Variants in ZNF75D observed in about 807,000 individuals in gnomAD.
ZNF75D encodes the protein zinc finger protein 75D.
A neutral mutation model predicts 33.3 loss-of-function variants in ZNF75D; 33 were observed. The observed-to-expected ratio is 0.99, with a 90% CI of 0.75 to 1.32. ZNF75D has a LOEUF of 1.32. Ranked by LOEUF, ZNF75D falls within the 40% of genes most tolerant of loss-of-function variation. The pLI, the probability that ZNF75D is intolerant of heterozygous loss-of-function variation, is 0.00. For synonymous variants in ZNF75D, 113 were observed against 130.6 expected (o/e 0.87, Z 0.92); for missense variants, 338 against 367.5 (o/e 0.92, Z 0.66).
chrX:135,261,843 T>C (rs1450161943), intron 1 of ZNF75D, among the ~76,000 whole-genome samples: 4 of 111,773 alleles, frequency 3.6e-5, no homozygotes, highest in African/African-American at 1.3e-4. Context: ...GTCACTATGA[T>C]GTTCGCTGGT....
At chrX:135,257,174 T>C (rs2083806924) in intron 1 of ZNF75D, among the ~76,000 whole-genome samples, 1 of 112,603 alleles carries the variant, frequency 8.9e-6, no homozygotes, top group Non-Finnish European at 1.9e-5. Context: ...TATTAGACCC[T>C]AAGTACCAGC....
rs782707041 is a variant in ZNF75D at position 135,287,271 on chromosome X, G to A, written c.1399C>T (p.His467Tyr). The change falls in exon 7 of 7, where the codon CAC becomes TAC. Residue 467 changes from histidine to tyrosine, a missense_variant. His to Tyr is a moderately conservative substitution (Grantham distance 83). Transcript: ENST00000370766. ...RFIQNSHLIK[H>Y]QRTHTGEQPY... ...TGCTCACCTGTGTGAGTTCTCTGGT[G>A]TTTAATAAGGTGGGAGTTCTGAATG... 1.2e-5 allele frequency: 14 copies of A among 1,211,775 alleles called. No homozygotes were observed. The South Asian group carries it at 2.3e-4, about 20-fold the overall frequency.
At chrX:135,324,068 C>T (rs974981460) in intron 1 of ZNF75D, among the ~76,000 whole-genome samples, 2 of 109,889 alleles carry the variant, frequency 1.8e-5, no homozygotes, top group Non-Finnish European at 3.8e-5. Flanking sequence ...ACTCACATAC[C>T]GAGGCTTTCT....
intron 1 of ZNF75D, among the ~76,000 whole-genome samples, chrX:135,328,011 A>G (rs1342829166): frequency 1.8e-5 from 2 of 112,174 alleles, no homozygotes; most frequent in African/African-American, 6.5e-5. Flanking sequence ...GAATAACTAT[A>G]TTGTTACCAT....
chrX:135,306,284 T>TACACACACAC (rs1355135835), intron 1 of ZNF75D, among the ~76,000 whole-genome samples: 4 of 53,812 alleles, frequency 7.4e-5, no homozygotes, highest in Admixed American at 2.4e-4. Context: ...ACAACAGAGA[T>TACACACACAC]ACATACACAC....
At chrX:135,303,022 A>T (rs941826464) in intron 1 of ZNF75D, among the ~76,000 whole-genome samples, 11 of 110,758 alleles carry the variant, frequency 9.9e-5, no homozygotes, top group African/African-American at 2.6e-4. Flanking sequence ...CATCATAAAC[A>T]AGGTAAAGAA....
At chrX:135,312,489 T>G (rs1188138706) in intron 1 of ZNF75D, among the ~76,000 whole-genome samples, 1 of 112,256 alleles carries the variant, frequency 8.9e-6, no homozygotes, top group East Asian at 2.8e-4. Flanking sequence ...CATACAGATT[T>G]CTTTTCCTTT....
At chrX:135,257,266 C>G (rs1022577328) in intron 1 of ZNF75D, among the ~76,000 whole-genome samples, 12 of 112,311 alleles carry the variant, frequency 1.1e-4, no homozygotes, top group African/African-American at 3.6e-4. Flanking sequence ...TGGACCCGCC[C>G]TGGGCCATAC....
At chrX:135,298,148 A>G (rs1445774333) in intron 1 of ZNF75D, 4 of 111,730 alleles carry the variant, frequency 3.6e-5, no homozygotes, top group Non-Finnish European at 7.5e-5. Context: ...ACATTCAGCC[A>G]ATAGCAGCTT....
At chrX:135,318,810 G>A (rs868962999) in intron 1 of ZNF75D, among the ~76,000 whole-genome samples, 13 of 111,141 alleles carry the variant, frequency 1.2e-4, no homozygotes, top group Non-Finnish European at 1.5e-4. Flanking sequence ...TAGTACAGGA[G>A]GTCAAAGATA....
chrX:135,300,815 T>A (rs2084208420), intron 1 of ZNF75D, among the ~76,000 whole-genome samples: 1 of 110,186 alleles, frequency 9.1e-6, no homozygotes, highest in Non-Finnish European at 1.9e-5. Flanking sequence ...AAGTAGGGGA[T>A]GACAACCTGC....
chrX:135,310,890 G>A (rs1556427794), intron 1 of ZNF75D, among the ~76,000 whole-genome samples: 1 of 111,306 alleles, frequency 9.0e-6, no homozygotes, highest in African/African-American at 3.3e-5. Flanking sequence ...GCAACTGACT[G>A]TAGGTTGGAA....
At chrX:135,323,433 T>C (rs782696546) in intron 1 of ZNF75D, among the ~76,000 whole-genome samples, 4 of 112,469 alleles carry the variant, frequency 3.6e-5, no homozygotes, top group Non-Finnish European at 7.5e-5. Flanking sequence ...TGTAGGGTCC[T>C]AGTGAGGCTT....
intron 1 of ZNF75D, among the ~76,000 whole-genome samples, chrX:135,306,288 T>TACACACATAC (rs2084284438): frequency 1.2e-5 from 1 of 83,246 alleles, no homozygotes; most frequent in Non-Finnish European, 2.3e-5. Flanking sequence ...CAGAGATACA[T>TACACACATAC]ACACACACAC....
intron 1 of ZNF75D, among the ~76,000 whole-genome samples, chrX:135,257,392 G>A (rs2083808825): frequency 8.8e-6 from 1 of 113,001 alleles, no homozygotes; most frequent in Non-Finnish European, 1.9e-5. Flanking sequence ...AACTCCCCAT[G>A]GACCAGTGGT....
rs146493137 is a variant in ZNF75D at position 135,269,179 on chromosome X, C to T, written n.828-13402G>A. On this transcript the variant is annotated intron_variant and non_coding_transcript_variant, in intron 1 of 3. Coordinates refer to the ZNF75D transcript ENST00000494295. ...AAAACATTGGGGGAAATCTCCAGGA[C>T]GTTGGTCTGGGCAAAAATGTCTTGA... is the stretch of plus-strand genomic sequence containing the variant. 5.8e-3 allele frequency among the ~76,000 whole-genome samples: 651 copies of T among 112,299 alleles called. 3 individuals carry two copies. The highest frequency in any genetic ancestry group is 8.6e-3 in the Non-Finnish European group (460 of 53,197).
At chrX:135,308,784 A>G (rs1556426574) in intron 1 of ZNF75D, among the ~76,000 whole-genome samples, 2 of 111,963 alleles carry the variant, frequency 1.8e-5, no homozygotes, top group Non-Finnish European at 3.8e-5. Context: ...TGGGCCTTAG[A>G]AACAGAAACT....
chrX:135,261,268 A>G (rs1569485749), intron 1 of ZNF75D, among the ~76,000 whole-genome samples: 1 of 112,416 alleles, frequency 8.9e-6, no homozygotes, highest in Non-Finnish European at 1.9e-5. Flanking sequence ...AAGAATGTAT[A>G]TTCTGTTGAT....
intron 1 of ZNF75D, among the ~76,000 whole-genome samples, chrX:135,265,026 C>A (rs2083857592): frequency 9.0e-6 from 1 of 111,358 alleles, no homozygotes; most frequent in African/African-American, 3.3e-5. Flanking sequence ...CGAGACCAGC[C>A]TGGCCAAAAT....
Sources: allele counts gnomAD v4.1 joint callset (sites outside exome capture counted in the v4.1 genomes callset), GRCh38; gene constraint gnomAD v4.1.1; transcripts MANE v1.5; gene names NCBI Gene and HGNC (gene_info 2026-07-23, HGNC 2026-07-21).